Variants in GRM7 observed in about 807,000 individuals in gnomAD.
The protein encoded by GRM7 is metabotropic glutamate receptor 7.
In GRM7, 35 loss-of-function variants were observed where a neutral mutation model predicts 84.5. The ratio of observed to expected loss-of-function variants is 0.41; its 90% CI spans 0.32 to 0.55. GRM7 has a LOEUF of 0.55. Ranked by LOEUF, GRM7 falls within the 20% of genes least tolerant of loss-of-function variation. The pLI, the probability that GRM7 is intolerant of heterozygous loss-of-function variation, is 0.19. For missense variants in GRM7, 1,003 were observed against 1,194.6 expected, an observed-to-expected ratio of 0.84 and a Z score of 2.36; for synonymous variants, 487 against 455.1, an observed-to-expected ratio of 1.07 and a Z score of -0.89.
rs1438656597 is a variant in GRM7 at position 7,161,773 on chromosome 3, A to T, written c.736+15105A>T. Among the ~76,000 whole-genome samples, 4 of 152,222 alleles carry T rather than the reference A, an allele frequency of 2.6e-5. No homozygotes were observed. In the South Asian group the frequency reaches 8.3e-4, roughly 32 times the overall value. ...CTATTCTAGATCCTAGGGGTGAACA[A>T]AATAGACCTTGCCTGTGAATTTAGG... On this transcript the variant is annotated intron_variant, in intron 2 of 9. Coordinates refer to ENST00000357716, the MANE Select transcript of GRM7 (RefSeq NM_000844.4).
At chr3:7,512,716 G>A (rs73117809) in intron 7 of GRM7, among the ~76,000 whole-genome samples, 5 of 151,650 alleles carry the variant, frequency 3.3e-5, no homozygotes, top group African/African-American at 1.2e-4. Flanking sequence ...AAAGCCCTTA[G>A]TTAATGCTGG....
intron 1 of GRM7, among the ~76,000 whole-genome samples, chr3:7,013,166 A>C (rs1018392985): frequency 2.6e-5 from 4 of 152,138 alleles, no homozygotes; most frequent in African/African-American, 9.7e-5. Flanking sequence ...AGTAAGAAAA[A>C]GAAACTTAAA....
intron 5 of GRM7, among the ~76,000 whole-genome samples, chr3:7,442,651 A>G (rs1001593847): frequency 1.3e-5 from 2 of 152,148 alleles, no homozygotes. Flanking sequence ...CAACATGCCT[A>G]GGTTTCATCC....
chr3:7,493,468 T>C (rs1435603994), intron 7 of GRM7, among the ~76,000 whole-genome samples: 4 of 152,008 alleles, frequency 2.6e-5, no homozygotes, highest in African/African-American at 9.7e-5. Context: ...GTCCATTTTA[T>C]CAAATATTAA....
At position 6,936,577 on chromosome 3, in the gene GRM7, A is replaced by C. The variant is rs570725891; in HGVS notation, c.519+74670A>C. The stretch of plus-strand genomic sequence containing the variant: ...TACTCTAATTCCTGGATGTACTTAA[A>C]AATTCTTTTTTATTAAATTGTTTAT... On this transcript the variant is annotated intron_variant, in intron 1 of 9. Transcript: ENST00000357716. Among the ~76,000 whole-genome samples, 21 of 152,230 alleles carry C rather than the reference A, an allele frequency of 1.4e-4. No homozygotes were observed. In the South Asian group the frequency reaches 4.4e-3, roughly 32 times the overall value.
At chr3:6,964,101 T>C (rs1693405979) in intron 1 of GRM7, among the ~76,000 whole-genome samples, 1 of 152,216 alleles carries the variant, frequency 6.6e-6, no homozygotes, top group Admixed American at 6.5e-5. Flanking sequence ...AGATCAGCAA[T>C]AGCCCCTTAA....
At chr3:7,041,611 C>A (rs1323692717) in intron 1 of GRM7, among the ~76,000 whole-genome samples, 1 of 152,142 alleles carries the variant, frequency 6.6e-6, no homozygotes, top group Non-Finnish European at 1.5e-5. Context: ...TTCTTATGAA[C>A]ATATGTTTTC....
At chr3:7,730,564 C>G (rs943709528) in intron 9 of GRM7, among the ~76,000 whole-genome samples, 17 of 152,150 alleles carry the variant, frequency 1.1e-4, no homozygotes, top group Admixed American at 2.6e-4. Flanking sequence ...ACTGTGAGTT[C>G]TTAGTAAAAG....
At chr3:7,125,656 G>T (rs1693374301) in intron 1 of GRM7, among the ~76,000 whole-genome samples, 1 of 152,050 alleles carries the variant, frequency 6.6e-6, no homozygotes, top group African/African-American at 2.4e-5. Context: ...ACCCTGTTGG[G>T]CTACATTCCA....
At chr3:7,355,683 A>C (rs1693366671) in intron 4 of GRM7, among the ~76,000 whole-genome samples, 2 of 152,104 alleles carry the variant, frequency 1.3e-5, no homozygotes, top group South Asian at 4.1e-4. Flanking sequence ...GACCCACCCA[A>C]GACAGACATG....
chr3:7,247,888 T>G (rs575956474), intron 2 of GRM7, among the ~76,000 whole-genome samples: 63 of 152,216 alleles, frequency 4.1e-4, no homozygotes, highest in Middle Eastern at 3.4e-3. Flanking sequence ...AATAAAATGA[T>G]AATGAGATGC....
chr3:7,353,416 T>A (rs901364383), intron 4 of GRM7, among the ~76,000 whole-genome samples: 1 of 152,074 alleles, frequency 6.6e-6, no homozygotes, highest in East Asian at 1.9e-4. Flanking sequence ...AGATTCTGGA[T>A]CAGTGTTGCA....
chr3:7,131,083 A>G (rs1198296057), intron 1 of GRM7, among the ~76,000 whole-genome samples: 1 of 151,914 alleles, frequency 6.6e-6, no homozygotes, highest in African/African-American at 2.4e-5. Context: ...TCCCTTTTCT[A>G]TTCTCATATA....
chr3:7,179,647 C>G (rs1695272321), intron 2 of GRM7, among the ~76,000 whole-genome samples: 1 of 152,324 alleles, frequency 6.6e-6, no homozygotes, highest in Non-Finnish European at 1.5e-5. Flanking sequence ...CTCTCCTGCC[C>G]TACAGACACC....
At chr3:7,471,768 G>A (rs913580495) in intron 7 of GRM7, among the ~76,000 whole-genome samples, 3 of 152,120 alleles carry the variant, frequency 2.0e-5, no homozygotes, top group African/African-American at 7.2e-5. Context: ...CATCTTTCTG[G>A]GGAGTTGAGA....
intron 1 of GRM7, among the ~76,000 whole-genome samples, chr3:7,063,381 A>G (rs1465865668): frequency 6.6e-6 from 1 of 151,730 alleles, no homozygotes; most frequent in Non-Finnish European, 1.5e-5. Flanking sequence ...GAGTTATTGG[A>G]CCATGAAGAC....
chr3:7,453,947 A>T (rs975856799), intron 6 of GRM7, among the ~76,000 whole-genome samples: 1 of 152,102 alleles, frequency 6.6e-6, no homozygotes, highest in African/African-American at 2.4e-5. Flanking sequence ...GAGGAAGGTT[A>T]GAATGCTGCC....
chr3:7,498,540 T>G (rs11131077), intron 7 of GRM7, among the ~76,000 whole-genome samples: 91,382 of 151,952 alleles, frequency 0.6, 27,838 homozygotes, highest in East Asian at 0.74. Flanking sequence ...TCCCTAGGGT[T>G]GAATCCGGAT....
intron 1 of GRM7, among the ~76,000 whole-genome samples, chr3:7,102,815 T>A (rs1353350004): frequency 6.6e-6 from 1 of 151,812 alleles, no homozygotes; most frequent in African/African-American, 2.4e-5. Flanking sequence ...TTTCTTTGGC[T>A]ATCTACAATG....
Sources: allele counts gnomAD v4.1 joint callset (sites outside exome capture counted in the v4.1 genomes callset), GRCh38; gene constraint gnomAD v4.1.1; transcripts MANE v1.5; gene names NCBI Gene and HGNC (gene_info 2026-07-23, HGNC 2026-07-21).